The following C7 variants were observed in gnomAD, a reference collection of about 807,000 sequenced individuals.
C7 encodes the protein complement C7, also known as complement component C7.
A neutral mutation model predicts 104.8 loss-of-function variants in C7; 83 were observed. The ratio of observed to expected loss-of-function variants is 0.79; its 90% confidence interval spans 0.66 to 0.95. The LOEUF is 0.95. C7 is among the 40% of genes least tolerant of loss of function. The probability of loss-of-function intolerance (pLI) is 0.00; values close to 1 mark genes in which losing one functional copy is unlikely to be tolerated. For synonymous variants in C7, 415 were observed against 360.6 expected (o/e 1.15, Z -1.71); for missense variants, 1,070 against 1,011.2 (o/e 1.06, Z -0.79).
In C7 at chr5:40,961,424, A is replaced by T. The variant is rs138728616; in HGVS notation, c.1662-661A>T. Among the ~76,000 whole-genome samples the T allele has an allele frequency of 9.9e-3, 1,496 of 151,066 alleles. 34 individuals carry two copies. Among genetic ancestry groups the T allele is most frequent in the African/African-American group, 0.034 (1,378 of 41,134 alleles). ...TTTTGAGATGGGGTCTCACTCTGTC[A>T]CCCAGGCAGGAGTACAGTGGTGGGA... On this transcript the variant is annotated intron_variant, in intron 12 of 17. Transcript: ENST00000313164.
intron 3 of C7, among the ~76,000 whole-genome samples, chr5:40,933,172 A>G (rs1001599027): frequency 1.3e-5 from 2 of 152,192 alleles, no homozygotes; most frequent in African/African-American, 4.8e-5. Context: ...CACCAGAGCC[A>G]TGCTCAGGCT....
intron 7 of C7, among the ~76,000 whole-genome samples, chr5:40,945,881 T>C (rs1167421601): frequency 1.7e-4 from 8 of 47,762 alleles, no homozygotes; most frequent in East Asian, 8.9e-4. Flanking sequence ...AATACATATA[T>C]ATATATATAT....
rs1740916024 is a variant in C7, at chr5:40,980,361, G to T, written c.2350+452G>T. 2.6e-5 allele frequency: 4 copies of T among 152,674 alleles called. No individual in the cohort carries two copies. In the South Asian group the frequency reaches 8.3e-4, roughly 32 times the overall value. 9.5% of individuals were successfully genotyped at this position (152,674 alleles called of 1,614,324 possible). On this transcript the variant is annotated intron_variant, in intron 17 of 17. Coordinates refer to ENST00000313164, the MANE Select transcript of C7 (RefSeq NM_000587.4). ...AAGTTGTGGACTCTAGCCAGATACT[G>T]GTCCAACATTGACTATGCTGTTTCT...
chr5:40,951,428 A>G (rs1286079308), intron 9 of C7, among the ~76,000 whole-genome samples: 1 of 152,182 alleles, frequency 6.6e-6, no homozygotes, highest in African/African-American at 2.4e-5. Context: ...ACTTATGGAC[A>G]TAAAAATGGC....
chr5:40,955,654 A>G, intron 10 of C7, 101 bp downstream of exon 10: 1 of 1,003,818 alleles, frequency 1.0e-6, no homozygotes, highest in East Asian at 2.5e-5. Flanking sequence ...ACATGGCTGT[A>G]ATTAGCATTT....
chr5:40,961,621 G>A (rs1208562742), intron 12 of C7, among the ~76,000 whole-genome samples: 1 of 152,106 alleles, frequency 6.6e-6, no homozygotes, highest in East Asian at 1.9e-4. Flanking sequence ...CCTGACCTCA[G>A]GCTATCTGCC....
chr5:40,981,891 CT>C lies in C7; in HGVS notation c.*320del. 4.8e-6 allele frequency: 1 copy of C among 209,544 alleles called. No individual in the cohort carries two copies. The highest frequency in any genetic ancestry group is 9.5e-6 in the Non-Finnish European group (1 of 105,140). 13.0% of individuals were successfully genotyped at this position (209,544 alleles called of 1,614,324 possible). On this transcript the variant is annotated 3_prime_UTR_variant, in exon 18 of 18. Coordinates refer to ENST00000313164, the MANE Select transcript of C7 (RefSeq NM_000587.4). ...AAATTAGAGGATTGCACTAGAGAAA[CT>C]TGAATGCTCCATTCAGGCCTATCAT...
At chr5:40,941,265 T>C (rs886127796) in intron 6 of C7, among the ~76,000 whole-genome samples, 20 of 151,966 alleles carry the variant, frequency 1.3e-4, no homozygotes, top group African/African-American at 3.9e-4. Context: ...GGTTTCGCCA[T>C]GTCGGTCAGG....
chr5:40,932,051 C>A (rs1739696165), intron 3 of C7, among the ~76,000 whole-genome samples: 1 of 152,190 alleles, frequency 6.6e-6, no homozygotes, highest in Admixed American at 6.5e-5. Flanking sequence ...AGCCACTGCA[C>A]CTGGCCAATT....
chr5:40,951,065 G>A (rs1299710544), intron 9 of C7, among the ~76,000 whole-genome samples: 12 of 152,092 alleles, frequency 7.9e-5, no homozygotes, highest in Admixed American at 7.9e-4. Context: ...ACATTTGGCA[G>A]GATTAAAAAA....
At chr5:40,944,372 A>G (rs1252985620) in intron 6 of C7, among the ~76,000 whole-genome samples, 1 of 152,230 alleles carries the variant, frequency 6.6e-6, no homozygotes, top group African/African-American at 2.4e-5. Flanking sequence ...GGAAAAAATC[A>G]GACAATTTGT....
intron 14 of C7, chr5:40,972,071 C>T (rs1187019725): frequency 2.1e-6 from 1 of 480,770 alleles, no homozygotes; most frequent in African/African-American, 2.0e-5. Flanking sequence ...CACTAGAGCA[C>T]ATAAATAAGT....
At chr5:40,959,379 A>C in intron 11 of C7, 70 bp from the exon 12 acceptor site, 1 of 1,362,744 alleles carries the variant, frequency 7.3e-7, no homozygotes, top group Non-Finnish European at 1.0e-6. Context: ...ACTTGTTAGC[A>C]GGAAGCATAG....
Position 40,923,794 on chromosome 5 carries a change from A to G in C7, c.7-4786A>G, listed in dbSNP as rs1739493816. Among the ~76,000 whole-genome samples, 4 of 152,202 alleles carry G rather than the reference A, an allele frequency of 2.6e-5. No homozygotes were observed. In the South Asian group the frequency reaches 8.3e-4, roughly 32 times the overall value. ...AGGGGGAAAATGTCATGCACTTTAA[A>G]ACAATCAGATCTTAATGAGACTCAC... is the stretch of plus-strand genomic sequence containing the variant. On this transcript the variant is annotated intron_variant, in intron 1 of 17. Coordinates refer to ENST00000313164, the MANE Select transcript of C7 (RefSeq NM_000587.4).
chr5:40,979,596 C>CTTTTTT (rs35148902), intron 16 of C7, 129 bp from the exon 17 acceptor site: 8 of 512,474 alleles, frequency 1.6e-5, no homozygotes, highest in Non-Finnish European at 2.5e-5. Context: ...GAGTTTCCAC[C>CTTTTTT]TTTTTTTTTT....
At position 40,928,584 on chromosome 5, in the gene C7, T is replaced by C; in HGVS notation, c.11T>C (p.Ile4Thr). Residue 4 changes from isoleucine to threonine, a missense_variant, in exon 2 of 18, where the codon ATA (isoleucine) becomes ACA (threonine). Ile to Thr is a moderately conservative substitution (Grantham distance 89). Coordinates refer to ENST00000313164, the MANE Select transcript of C7 (RefSeq NM_000587.4). MKV[I>T]SLFILVGFIG... ...TTTATTGTTTTTCTTCTCCAGGTGA[T>C]AAGCTTATTCATTTTGGTGGGATTT... is the stretch of plus-strand genomic sequence containing the variant. 6.6e-7 allele frequency: 1 copy of C among 1,526,594 alleles called. No individual in the cohort carries two copies. Among genetic ancestry groups the C allele is most frequent in the Non-Finnish European group, 8.9e-7 (1 of 1,125,506 alleles). 94.6% of individuals were successfully genotyped at this position (1,526,594 alleles called of 1,614,324 possible).
chr5:40,933,283 A>G (rs2111587056), intron 3 of C7, among the ~76,000 whole-genome samples: 1 of 152,294 alleles, frequency 6.6e-6, no homozygotes, highest in Admixed American at 6.5e-5. Flanking sequence ...TAAGTTCGAC[A>G]TTGATATGTA....
chr5:40,945,507 T>C (rs1479857118), intron 7 of C7, 139 bp downstream of exon 7: 1 of 567,328 alleles, frequency 1.8e-6, no homozygotes, highest in Non-Finnish European at 3.0e-6. Context: ...TAAGAGTCAA[T>C]GCAATATCTT....
At position 40,945,298 on chromosome 5, in the gene C7, C is replaced by T; in HGVS notation, c.668C>T (p.Ser223Phe). 6.2e-7 allele frequency: 1 copy of T among 1,609,162 alleles called. No homozygotes were observed. The highest frequency in any genetic ancestry group is 8.5e-7 in the Non-Finnish European group (1 of 1,177,758). ...TEHTSSSRKR[S>F]FFRSSSSSSR... ...CACACATCATCTAGTCGGAAGCGCTCCTTTTTTAGATCTTCATCATCTTCT... is the reference window on the plus strand; with the variant it reads ...CACACATCATCTAGTCGGAAGCGCTTCTTTTTTAGATCTTCATCATCTTCT... Residue 223 changes from serine to phenylalanine, a missense_variant, in exon 7 of 18, where the codon TCC (serine) becomes TTC (phenylalanine). Ser to Phe is a radical substitution (Grantham distance 155). Transcript: ENST00000313164.
Sources: gnomAD v4.1 joint callset for allele counts (sites outside exome capture counted in the v4.1 genomes callset) on GRCh38, gnomAD v4.1.1 for gene constraint, MANE v1.5 for transcripts, NCBI Gene and HGNC (gene_info 2026-07-23, HGNC 2026-07-21) for gene names.